Variants in LAMTOR1 observed in about 807,000 individuals in gnomAD.
LAMTOR1 encodes the protein late endosomal/lysosomal adaptor, MAPK and MTOR activator 1, also known as ragulator complex protein LAMTOR1.
LAMTOR1 carries 8 observed loss-of-function variants against 20.5 expected under a neutral mutation model. The observed-to-expected ratio is 0.39, with a 90% confidence interval of 0.23 to 0.70. The LOEUF (loss-of-function observed/expected upper bound fraction) is 0.70, where lower values mean the gene tolerates loss of function less well. Among genes scored for constraint, LAMTOR1 ranks in the 30% least tolerant of loss-of-function variants. LAMTOR1 has a pLI of 0.43. For missense variants in LAMTOR1, 135 were observed against 206.2 expected, an observed-to-expected ratio of 0.65 and a Z score of 2.11; for synonymous variants, 77 against 80.9, an observed-to-expected ratio of 0.95 and a Z score of 0.26.
chr11:72,097,461 G>T lies in LAMTOR1; in HGVS notation c.*361C>A. ...GCATGTGAGCACCAAGTCAGGGAGA[G>T]GGGGCAGGAGTGACTCTGAGGCCAA... On this transcript the variant is annotated 3_prime_UTR_variant, in exon 5 of 5. Coordinates refer to ENST00000278671, the MANE Select transcript of LAMTOR1 (RefSeq NM_017907.3). The T allele has an allele frequency of 9.6e-7, 1 of 1,042,394 alleles. No homozygotes were observed. Among genetic ancestry groups the T allele is most frequent in the Non-Finnish European group, 1.2e-6 (1 of 863,884 alleles). 64.6% of individuals were successfully genotyped at this position (1,042,394 alleles called of 1,614,324 possible).
intron 1 of LAMTOR1, 77 bp downstream of exon 1, chr11:72,103,106 C>T (rs1945509911): frequency 2.0e-6 from 3 of 1,525,068 alleles, no homozygotes; most frequent in Non-Finnish European, 1.8e-6. Context: ...GCTGCCCGTC[C>T]TCCGCAGGTT....
intron 4 of LAMTOR1, 184 bp from the exon 5 acceptor site, chr11:72,098,098 A>C (rs930999368): frequency 2.2e-5 from 22 of 1,008,700 alleles, no homozygotes; most frequent in Non-Finnish European, 3.2e-5. Flanking sequence ...GAAACAATAA[A>C]GGTTGCAGGA....
At chr11:72,099,481 T>C (rs1401061152) in intron 1 of LAMTOR1, among the ~76,000 whole-genome samples, 1 of 152,076 alleles carries the variant, frequency 6.6e-6, no homozygotes, top group Non-Finnish European at 1.5e-5. Flanking sequence ...AACCAGGCAG[T>C]CCTAGAGGCC....
In LAMTOR1 at chr11:72,097,815, CCT is replaced by C; in HGVS notation, c.*5_*6del. On this transcript the variant is annotated 3_prime_UTR_variant, in exon 5 of 5. Coordinates refer to ENST00000278671, the MANE Select transcript of LAMTOR1 (RefSeq NM_017907.3). ...AGAGGAGAAGAGCTGTCCAAGGACC[CCT>C]CTCTTCATGGGATCCCAAACTGTAC... is the stretch of plus-strand genomic sequence containing the variant. 4 of 1,614,044 alleles carry C rather than the reference CCT, an allele frequency of 2.5e-6. No homozygotes were observed. The highest frequency in any genetic ancestry group is 2.7e-5 in the African/African-American group (2 of 75,028).
intron 4 of LAMTOR1, 82 bp from the exon 5 acceptor site, chr11:72,097,996 A>G (rs1945290584): frequency 6.8e-7 from 1 of 1,465,110 alleles, no homozygotes; most frequent in Non-Finnish European, 9.2e-7. Context: ...GGGAGATTAG[A>G]TGGTGATGGA....
chr11:72,100,157 G>A (rs553832440), intron 1 of LAMTOR1, among the ~76,000 whole-genome samples: 5 of 152,264 alleles, frequency 3.3e-5, no homozygotes, highest in Admixed American at 6.5e-5. Flanking sequence ...ACCTACTTGG[G>A]AGGCTGAAGT....
rs1472142167 is a variant in LAMTOR1, at chr11:72,103,188, C to T, written c.37G>A (p.Asp13Asn). ...CCYSSENEDS[D>N]QDREERKLLL... ...CCCGCCTGCCGCGGCCGCACCTGGT[C>T]CGAGTCCTCGTTCTCGCTGCTGTAG... The change falls in exon 1 of 5, where the codon GAC becomes AAC. Residue 13 changes from aspartate (D) to asparagine (N), a missense_variant. By Grantham distance (23) the Asp-to-Asn change is conservative (BLOSUM62 1). Transcript: ENST00000278671. The T allele has an allele frequency of 4.4e-6, 7 of 1,586,524 alleles. No homozygotes were observed. The African/African-American group carries it at 6.7e-5, about 15-fold the overall frequency.
In LAMTOR1 at chr11:72,097,583, A is replaced by G. The variant is rs554420906; in HGVS notation, c.*239T>C. On this transcript the variant is annotated 3_prime_UTR_variant, in exon 5 of 5. Coordinates refer to ENST00000278671, the MANE Select transcript of LAMTOR1 (RefSeq NM_017907.3). ...TTCTCAATGACTATGAAGACATACC[A>G]GGCTCTGTCCTTTTGGCCCCCACCC... 1.5e-6 allele frequency: 2 copies of G among 1,340,120 alleles called. No homozygotes were observed. The highest frequency in any genetic ancestry group is 6.4e-5 in the Admixed American group (2 of 31,414). 83.0% of individuals were successfully genotyped at this position (1,340,120 alleles called of 1,614,324 possible).
chr11:72,098,447 G>A (rs1384326730), intron 3 of LAMTOR1, 32 bp from the exon 4 acceptor site: 2 of 1,599,974 alleles, frequency 1.3e-6, no homozygotes, highest in South Asian at 2.2e-5. Flanking sequence ...GGGGTAGGCA[G>A]TTAAGCCACA....
At chr11:72,103,132 T>C in intron 1 of LAMTOR1, 51 bp downstream of exon 1, 3 of 1,562,306 alleles carry the variant, frequency 1.9e-6, no homozygotes, top group Non-Finnish European at 2.6e-6. Flanking sequence ...CTGGGCCCCA[T>C]GCCCCAGTGT....
chr11:72,102,540 C>G (rs1945483251), intron 1 of LAMTOR1, among the ~76,000 whole-genome samples: 1 of 152,236 alleles, frequency 6.6e-6, no homozygotes, highest in Non-Finnish European at 1.5e-5. Flanking sequence ...AACTCAGAAC[C>G]AAATGAACTT....
In LAMTOR1 at chr11:72,103,197, C is replaced by A; in HGVS notation, c.28G>T (p.Glu10Ter). 1 of 1,584,150 alleles carries A rather than the reference C, an allele frequency of 6.3e-7. No homozygotes were observed. The highest frequency in any genetic ancestry group is 8.6e-7 in the Non-Finnish European group (1 of 1,164,954). The change falls in exon 1 of 5, where the codon GAG becomes TAG. Residue 10 changes from glutamate to a stop codon, truncating the protein, a stop_gained. Transcript: ENST00000278671. LOFTEE classifies it high-confidence loss of function. MGCCYSSEN[E>*]DSDQDREERK... ...CGCGGCCGCACCTGGTCCGAGTCCTCGTTCTCGCTGCTGTAGCAGCACCCC... is the reference window on the plus strand; with the variant it reads ...CGCGGCCGCACCTGGTCCGAGTCCTAGTTCTCGCTGCTGTAGCAGCACCCC...
Position 72,099,222 on chromosome 11 carries a change from C to T in LAMTOR1, c.77G>A (p.Ser26Asn), listed in dbSNP as rs1372531306. The change falls in exon 2 of 5, where the codon AGC becomes AAC. Residue 26 changes from serine to asparagine, a missense_variant. Physicochemically the swap from Ser to Asn is conservative, Grantham distance 46. Transcript: ENST00000278671. ...ATTGAGAGCTTTGGTAGGGGGGCTG[C>T]TAGGGTCCAGCAGCAGCTTCCGCTC... ...REERKLLLDPSSPPTKALNGA... is the reference protein window; with the variant it reads ...REERKLLLDPNSPPTKALNGA... 23 of 1,603,262 alleles carry T rather than the reference C, an allele frequency of 1.4e-5. No individual in the cohort carries two copies. The highest frequency in any genetic ancestry group is 2.0e-5 in the Non-Finnish European group (23 of 1,173,498).
At chr11:72,098,182 C>A (rs755516414) in intron 4 of LAMTOR1, 107 bp downstream of exon 4, 6 of 1,448,730 alleles carry the variant, frequency 4.1e-6, no homozygotes, top group Non-Finnish European at 5.7e-6. Context: ...CTACCAGGCT[C>A]CCTAACTCCA....
intron 1 of LAMTOR1, among the ~76,000 whole-genome samples, 194 bp downstream of exon 1, chr11:72,102,989 G>C (rs939385858): frequency 1.3e-5 from 2 of 152,244 alleles, no homozygotes; most frequent in Non-Finnish European, 2.9e-5. Context: ...CCCGAGGCGG[G>C]GACTGTGTAG....
At chr11:72,098,487 A>C (rs1034645662) in intron 3 of LAMTOR1, 72 bp from the exon 4 acceptor site, 117 of 1,528,854 alleles carry the variant, frequency 7.7e-5, no homozygotes, top group Non-Finnish European at 9.6e-5. Flanking sequence ...GGTAAGCCTC[A>C]TCCCCTCAGG....
At position 72,102,624 on chromosome 11, in the gene LAMTOR1, C is replaced by T. The variant is rs151313608; in HGVS notation, c.42+559G>A. 1.1e-3 allele frequency among the ~76,000 whole-genome samples: 167 copies of T among 152,380 alleles called. 1 individual carries two copies. Among genetic ancestry groups the T allele is most frequent in the African/African-American group, 3.6e-3 (150 of 41,592 alleles). ...TTGTTGCTTCCCAGACAATTTCCCA[C>T]ATGTCCCGATGTCCTCACTGTATCG... is the stretch of plus-strand genomic sequence containing the variant. On this transcript the variant is annotated intron_variant, in intron 1 of 4. Transcript: ENST00000278671.
At chr11:72,098,895 C>A in intron 2 of LAMTOR1, 37 bp from the exon 3 acceptor site, 1 of 1,506,076 alleles carries the variant, frequency 6.6e-7, no homozygotes, top group Non-Finnish European at 8.9e-7. Flanking sequence ...ATGACAGGTG[C>A]TTCCGAGAAG....
Position 72,103,265 on chromosome 11 carries a change from G to T in LAMTOR1, c.-41C>A, listed in dbSNP as rs546517932. 2 of 1,545,946 alleles carry T rather than the reference G, an allele frequency of 1.3e-6. No individual in the cohort carries two copies. Among genetic ancestry groups the T allele is most frequent in the South Asian group, 1.2e-5 (1 of 82,690 alleles). ...GGGCGCTCAGGCCGCGCCGAGGAGGGACGGCGTCCGTGAGGAGCCCTTCCG... is the reference window on the plus strand; with the variant it reads ...GGGCGCTCAGGCCGCGCCGAGGAGGTACGGCGTCCGTGAGGAGCCCTTCCG... On this transcript the variant is annotated 5_prime_UTR_variant, in exon 1 of 5. Coordinates refer to ENST00000278671, the MANE Select transcript of LAMTOR1 (RefSeq NM_017907.3).
Sources: gnomAD v4.1 joint callset for allele counts (sites outside exome capture counted in the v4.1 genomes callset) on GRCh38, gnomAD v4.1.1 for gene constraint, MANE v1.5 for transcripts, NCBI Gene and HGNC (gene_info 2026-07-23, HGNC 2026-07-21) for gene names.